The following PCDHA11 variants were observed in gnomAD, a reference collection of about 807,000 sequenced individuals.
The protein encoded by PCDHA11 is protocadherin alpha 11.
Under a neutral mutation model 70.3 loss-of-function variants are expected in PCDHA11, and 61 were observed. The observed-to-expected ratio is 0.87, with a 90% CI of 0.71 to 1.07. The LOEUF is 1.07. Ranked by LOEUF, PCDHA11 falls within the 50% of genes least tolerant of loss-of-function variation. The pLI, the probability that PCDHA11 is intolerant of heterozygous loss-of-function variation, is 0.00. For synonymous variants in PCDHA11, 633 were observed against 555.1 expected (o/e 1.14, Z -1.97); for missense variants, 1,324 against 1,237.5 (o/e 1.07, Z -1.05).
intron 3 of PCDHA11, among the ~76,000 whole-genome samples, chr5:140,991,573 G>C (rs1406319253): frequency 2.0e-5 from 3 of 152,036 alleles, no homozygotes; most frequent in Non-Finnish European, 4.4e-5. Context: ...CCAATAACAG[G>C]CTCCTTATTT....
intron 1 of PCDHA11, among the ~76,000 whole-genome samples, chr5:140,892,007 T>C (rs1285446962): frequency 1.3e-5 from 2 of 152,244 alleles, no homozygotes; most frequent in South Asian, 2.1e-4. Context: ...CATTCTGTTA[T>C]AGCAGCACAA....
In PCDHA11 at chr5:141,009,718, A is replaced by G. The variant is rs2098413942; in HGVS notation, c.2631A>G (p.Gln877=). Residue 877 remains glutamine, a synonymous_variant, in exon 4 of 4, where the codon CAA becomes CAG. Transcript: ENST00000398640. ...TFKYGPGNPK[Q]SGPGELPDKF... ...AATACGGACCAGGCAACCCCAAACA[A>G]TCCGGTCCCGGTGAGTTGCCCGACA... The G allele has an allele frequency of 1.2e-6, 2 of 1,614,044 alleles. No homozygotes were observed. The highest frequency in any genetic ancestry group is 1.1e-5 in the South Asian group (1 of 91,052).
chr5:140,987,336 A>G (rs2097249605), intron 3 of PCDHA11, among the ~76,000 whole-genome samples: 1 of 152,200 alleles, frequency 6.6e-6, no homozygotes, highest in Admixed American at 6.5e-5. Context: ...GAACTGGTCT[A>G]AGGTAAATAT....
Position 140,869,807 on chromosome 5 carries a change from T to C in PCDHA11, c.704T>C (p.Val235Ala), listed in dbSNP as rs545569437. ...CGGCTGTTAGTCCAAGTCTTGGATGTCAACGACAATGATCCAGAGTTTGAT... is the reference window on the plus strand; with the variant it reads ...CGGCTGTTAGTCCAAGTCTTGGATGCCAACGACAATGATCCAGAGTTTGAT... ...TVRLLVQVLD[V>A]NDNDPEFDKS... Residue 235 changes from valine (V) to alanine (A), a missense_variant, in exon 1 of 4, where the codon GTC (valine) becomes GCC (alanine). Val to Ala is a moderately conservative substitution (Grantham distance 64). Transcript: ENST00000398640. 8.1e-6 allele frequency: 13 copies of C among 1,612,544 alleles called. No individual in the cohort carries two copies. In the African/African-American group the frequency reaches 1.6e-4, roughly 20 times the overall value.
At chr5:140,934,926 G>C (rs1054459840) in intron 1 of PCDHA11, among the ~76,000 whole-genome samples, 1 of 152,116 alleles carries the variant, frequency 6.6e-6, no homozygotes, top group African/African-American at 2.4e-5. Flanking sequence ...TTCACATAAA[G>C]TTACAAAACT....
At chr5:140,961,652 G>A (rs2095627629) in intron 1 of PCDHA11, among the ~76,000 whole-genome samples, 1 of 152,212 alleles carries the variant, frequency 6.6e-6, no homozygotes, top group Non-Finnish European at 1.5e-5. Context: ...TATGTGGTTA[G>A]TTTGAAGTTA....
intron 2 of PCDHA11, among the ~76,000 whole-genome samples, chr5:140,979,622 T>C (rs1300997272): frequency 6.6e-6 from 1 of 152,246 alleles, no homozygotes; most frequent in Non-Finnish European, 1.5e-5. Flanking sequence ...GGTATTAGTC[T>C]AAGACTCAGA....
intron 1 of PCDHA11, among the ~76,000 whole-genome samples, chr5:140,896,506 A>G (rs1231827987): frequency 2.7e-5 from 4 of 150,856 alleles, no homozygotes; most frequent in African/African-American, 9.7e-5. Flanking sequence ...GGGACTGTGC[A>G]GGCACACACC....
At position 141,011,699 on chromosome 5, in the gene PCDHA11, A is replaced by G. The variant is rs537913184; in HGVS notation, c.*1762A>G. 6.5e-6 allele frequency: 1 copy of G among 153,890 alleles called. No homozygotes were observed. Among genetic ancestry groups the G allele is most frequent in the African/African-American group, 2.4e-5 (1 of 41,578 alleles). 9.5% of individuals were successfully genotyped at this position (153,890 alleles called of 1,614,324 possible). A position where few individuals can be genotyped will look rare whatever the true frequency, so the allele number is the denominator to read the frequency against. ...TTGTTCTAGTAACAATTTTGGAATG[A>G]ATACTGACAATATTCCATGAGGGTG... On this transcript the variant is annotated 3_prime_UTR_variant, in exon 4 of 4. Coordinates refer to ENST00000398640, the MANE Select transcript of PCDHA11 (RefSeq NM_018902.5).
At chr5:140,971,892 G>T in intron 1 of PCDHA11, among the ~76,000 whole-genome samples, 1 of 151,812 alleles carries the variant, frequency 6.6e-6, no homozygotes, top group African/African-American at 2.4e-5. Context: ...AGCTCAGGGA[G>T]GTTAGGTAAT....
At chr5:140,969,230 G>A (rs1554231609) in intron 1 of PCDHA11, 1 of 1,614,154 alleles carries the variant, frequency 6.2e-7, no homozygotes, top group South Asian at 1.1e-5. Flanking sequence ...GCCTTCGGGA[G>A]CCCAAGCAGC....
intron 1 of PCDHA11, among the ~76,000 whole-genome samples, chr5:140,895,742 G>T (rs2065139471): frequency 6.6e-6 from 1 of 152,110 alleles, no homozygotes; most frequent in South Asian, 2.1e-4. Context: ...GGGCTGCAAA[G>T]GGCATGATCT....
chr5:140,924,318 G>C (rs550515387), intron 1 of PCDHA11, among the ~76,000 whole-genome samples: 71 of 152,282 alleles, frequency 4.7e-4, no homozygotes, highest in African/African-American at 1.3e-3. Context: ...AATTTTATCT[G>C]AGACTTGGTG....
In PCDHA11 at chr5:140,941,719, C is replaced by G. The variant is rs76426901; in HGVS notation, c.2392-37230C>G. 1.5e-4 allele frequency among the ~76,000 whole-genome samples: 23 copies of G among 152,260 alleles called. No individual in the cohort carries two copies. The East Asian group carries it at 4.0e-3, about 27-fold the overall frequency. ...GGCTTAGCTTTCCTCCACAATTTGT[C>G]CTAGCAGTTCCCCATTATCTTATCA... is the stretch of plus-strand genomic sequence containing the variant. On this transcript the variant is annotated intron_variant, in intron 1 of 3. Coordinates refer to ENST00000398640, the MANE Select transcript of PCDHA11 (RefSeq NM_018902.5).
chr5:140,888,994 T>A (rs1486471421), intron 1 of PCDHA11, among the ~76,000 whole-genome samples: 5 of 152,154 alleles, frequency 3.3e-5, no homozygotes, highest in African/African-American at 1.2e-4. Flanking sequence ...TATGATTTTC[T>A]TATGGCAAAC....
intron 1 of PCDHA11, among the ~76,000 whole-genome samples, chr5:140,915,582 G>A (rs991142864): frequency 2.6e-5 from 4 of 152,056 alleles, no homozygotes; most frequent in South Asian, 4.1e-4. Flanking sequence ...CCAGGCAAAA[G>A]CACTTGTTCT....
intron 1 of PCDHA11, chr5:140,877,813 G>A (rs781966059): frequency 6.2e-7 from 1 of 1,610,266 alleles, no homozygotes; most frequent in Admixed American, 1.7e-5. Context: ...GCTGTCTCGA[G>A]AAGATTGTTT....
At chr5:140,983,904 C>T (rs1227752084) in intron 3 of PCDHA11, among the ~76,000 whole-genome samples, 2 of 152,164 alleles carry the variant, frequency 1.3e-5, no homozygotes, top group African/African-American at 4.8e-5. Context: ...TTCGTTGATT[C>T]TAATCAGCCA....
chr5:140,971,999 A>G (rs543282950), intron 1 of PCDHA11, among the ~76,000 whole-genome samples: 18 of 152,302 alleles, frequency 1.2e-4, no homozygotes, highest in African/African-American at 3.8e-4. Flanking sequence ...TCCAATGTTT[A>G]TATTCCCTTT....
Sources: allele counts gnomAD v4.1 joint callset (sites outside exome capture counted in the v4.1 genomes callset), GRCh38; gene constraint gnomAD v4.1.1; transcripts MANE v1.5; gene names NCBI Gene and HGNC (gene_info 2026-07-23, HGNC 2026-07-21).